The following ADAMTS18 variants were observed in gnomAD, a reference collection of about 807,000 sequenced individuals.
ADAMTS18 encodes the protein ADAM metallopeptidase with thrombospondin type 1 motif 18.
A neutral mutation model predicts 165.9 loss-of-function variants in ADAMTS18; 157 were observed. That is an observed-to-expected ratio of 0.95 (90% CI 0.83 to 1.08). The LOEUF is 1.08. Among genes scored for constraint, ADAMTS18 ranks in the 50% least tolerant of loss-of-function variants. The pLI is 0.00. For missense variants in ADAMTS18, 2,040 were observed against 1,534.0 expected, an observed-to-expected ratio of 1.33 and a Z score of -5.51; for synonymous variants, 782 against 578.2, an observed-to-expected ratio of 1.35 and a Z score of -5.06.
At chr16:77,326,337 C>T (rs185830802) in intron 12 of ADAMTS18, among the ~76,000 whole-genome samples, 2 of 152,294 alleles carry the variant, frequency 1.3e-5, no homozygotes, top group South Asian at 2.1e-4. Context: ...CCAATATTTA[C>T]ATTCTGTTCA....
chr16:77,322,609 A>G (rs2056023356), intron 13 of ADAMTS18, 143 bp from the exon 14 acceptor site: 1 of 1,021,204 alleles, frequency 9.8e-7, no homozygotes, highest in African/African-American at 1.6e-5. Context: ...ATATAAGCCC[A>G]TATGATGTGG....
At chr16:77,375,602 T>C (rs968410535) in intron 3 of ADAMTS18, among the ~76,000 whole-genome samples, 1 of 151,768 alleles carries the variant, frequency 6.6e-6, no homozygotes, top group African/African-American at 2.4e-5. Context: ...GCGGAAGGGG[T>C]GGTGAGAACA....
rs1472649953 is a variant in ADAMTS18, at chr16:77,293,163, G to A, written c.3102C>T (p.Leu1034=). Residue 1034 remains leucine, a synonymous_variant, in exon 20 of 23, where the codon CTC becomes CTT. Transcript: ENST00000282849. The part of the protein sequence containing the change: ...ETLPESQCTS[L]PRPELQEGCV... ...AGCCCTCCTGCAGCTCAGGTCTGGG[G>A]AGACTGGTACACTGGCTCTCGGGGA... The A allele has an allele frequency of 1.9e-6, 3 of 1,613,918 alleles. No individual in the cohort carries two copies. In the African/African-American group the frequency reaches 4.0e-5, roughly 22 times the overall value.
intron 3 of ADAMTS18, among the ~76,000 whole-genome samples, chr16:77,428,295 G>A (rs2057698533): frequency 2.0e-5 from 3 of 152,054 alleles, no homozygotes; most frequent in African/African-American, 4.8e-5. Context: ...TTCCTTTTCT[G>A]AACTCTTGAA....
At chr16:77,300,471 A>C in intron 16 of ADAMTS18, 67 bp from the exon 17 acceptor site, 1 of 1,547,712 alleles carries the variant, frequency 6.5e-7, no homozygotes, top group Non-Finnish European at 8.9e-7. Context: ...CAGAAATCTT[A>C]CTGAACATTT....
chr16:77,351,272 G>A (rs1275739984), intron 10 of ADAMTS18, among the ~76,000 whole-genome samples: 2 of 152,110 alleles, frequency 1.3e-5, no homozygotes, highest in Admixed American at 6.5e-5. Flanking sequence ...TCTCTCTTAA[G>A]CAAGTCTTTC....
chr16:77,402,858 T>C (rs2057348455), intron 3 of ADAMTS18, among the ~76,000 whole-genome samples: 1 of 152,206 alleles, frequency 6.6e-6, no homozygotes, highest in African/African-American at 2.4e-5. Context: ...TTGAATGCCC[T>C]GAATTTTTTA....
chr16:77,416,555 G>A (rs1009255346), intron 3 of ADAMTS18, among the ~76,000 whole-genome samples: 3 of 152,138 alleles, frequency 2.0e-5, no homozygotes, highest in African/African-American at 7.2e-5. Context: ...TCTCTTGCCT[G>A]CCACCATGTA....
At chr16:77,291,174 A>G (rs1468280717) in intron 21 of ADAMTS18, 92 bp downstream of exon 21, 5 of 1,404,616 alleles carry the variant, frequency 3.6e-6, no homozygotes, top group South Asian at 2.4e-5. Context: ...TACTTAGACA[A>G]CCATTAACAG....
In ADAMTS18 at chr16:77,295,114, C is replaced by T; in HGVS notation, c.2815G>A (p.Glu939Lys). 6.2e-7 allele frequency: 1 copy of T among 1,614,204 alleles called. No individual in the cohort carries two copies. The highest frequency in any genetic ancestry group is 8.5e-7 in the Non-Finnish European group (1 of 1,180,036). ...CAGGCCTTGCTGCATGTACTCCATT[C>T]ACCTGGCATCCAGCTTTCAGTGCAA... is the stretch of plus-strand genomic sequence containing the variant. ...FSCPAYWMPG[E>K]WSTCSKACAG... Residue 939 changes from glutamate (E) to lysine (K), a missense_variant, in exon 19 of 23, where the codon GAA (glutamate) becomes AAA (lysine). Transcript: ENST00000282849.
chr16:77,323,488 G>A (rs1457563948), intron 13 of ADAMTS18, among the ~76,000 whole-genome samples: 2 of 151,706 alleles, frequency 1.3e-5, no homozygotes, highest in African/African-American at 4.8e-5. Flanking sequence ...TGAGATTAGG[G>A]AGTTGGATGA....
At chr16:77,359,119 T>C (rs1446198741) in intron 8 of ADAMTS18, among the ~76,000 whole-genome samples, 199 bp downstream of exon 8, 1 of 152,240 alleles carries the variant, frequency 6.6e-6, no homozygotes, top group Non-Finnish European at 1.5e-5. Context: ...TGTGTGGCTA[T>C]TAAGTGCTGC....
chr16:77,286,951 T>C (rs1462146143), intron 22 of ADAMTS18, among the ~76,000 whole-genome samples: 1 of 152,054 alleles, frequency 6.6e-6, no homozygotes, highest in Non-Finnish European at 1.5e-5. Context: ...AGATAAGGCA[T>C]CACACACTGA....
At chr16:77,346,405 T>G (rs553526057) in intron 10 of ADAMTS18, among the ~76,000 whole-genome samples, 57 of 152,232 alleles carry the variant, frequency 3.7e-4, no homozygotes, top group Admixed American at 9.2e-4. Flanking sequence ...ATGACAGACT[T>G]TGTATTTTAA....
Position 77,367,508 on chromosome 16 carries a change from C to A in ADAMTS18, c.711G>T (p.Gln237His), listed in dbSNP as rs1390036661. 1 of 1,614,254 alleles carries A rather than the reference C, an allele frequency of 6.2e-7. No individual in the cohort carries two copies. Among genetic ancestry groups the A allele is most frequent in the Admixed American group, 1.7e-5 (1 of 60,034 alleles). The change falls in exon 4 of 23, where the codon CAG becomes CAT. Residue 237 changes from glutamine to histidine, a missense_variant. Physicochemically the swap from Gln to His is conservative, Grantham distance 24. Transcript: ENST00000282849. ...YSPSHIPHAS[Q>H]SRETEYHHRR... ...GATGGTGATACTCTGTCTCTCGACT[C>A]TGAGATGCATGGGGAATGTGACTTG... is the stretch of plus-strand genomic sequence containing the variant.
chr16:77,384,100 T>C (rs999109465), intron 3 of ADAMTS18, among the ~76,000 whole-genome samples: 1 of 152,158 alleles, frequency 6.6e-6, no homozygotes, highest in Admixed American at 6.5e-5. Context: ...CCTATGTCCA[T>C]TGTTTGGCAG....
At chr16:77,420,417 G>A (rs772000168) in intron 3 of ADAMTS18, among the ~76,000 whole-genome samples, 5 of 152,054 alleles carry the variant, frequency 3.3e-5, no homozygotes, top group Non-Finnish European at 5.9e-5. Flanking sequence ...AAATAACACA[G>A]ATGTTTGGGC....
chr16:77,311,818 C>G (rs544319861), intron 16 of ADAMTS18, among the ~76,000 whole-genome samples: 5 of 151,558 alleles, frequency 3.3e-5, no homozygotes, highest in African/African-American at 1.2e-4. Context: ...AGATTGCTTT[C>G]AGATAGGTCA....
chr16:77,347,216 T>C (rs1052687137), intron 10 of ADAMTS18, among the ~76,000 whole-genome samples: 12 of 152,228 alleles, frequency 7.9e-5, no homozygotes, highest in African/African-American at 2.4e-4. Context: ...GTTTAAATAG[T>C]ATCTAGTCTT....
Sources: gnomAD v4.1 joint callset for allele counts (sites outside exome capture counted in the v4.1 genomes callset) on GRCh38, gnomAD v4.1.1 for gene constraint, MANE v1.5 for transcripts, NCBI Gene and HGNC (gene_info 2026-07-23, HGNC 2026-07-21) for gene names.